Variants in CACNB2 observed in about 807,000 individuals in gnomAD.
CACNB2 encodes the protein calcium voltage-gated channel auxiliary subunit beta 2.
A neutral mutation model predicts 73.3 loss-of-function variants in CACNB2; 42 were observed. The ratio of observed to expected loss-of-function variants is 0.57; its 90% CI spans 0.45 to 0.74. CACNB2 has a LOEUF of 0.74. Ranked by LOEUF, CACNB2 falls within the 30% of genes least tolerant of loss-of-function variation. CACNB2 has a pLI of 0.00. For missense variants in CACNB2, 940 were observed against 853.0 expected, an observed-to-expected ratio of 1.10 and a Z score of -1.27; for synonymous variants, 348 against 310.3, an observed-to-expected ratio of 1.12 and a Z score of -1.28.
intron 2 of CACNB2, among the ~76,000 whole-genome samples, chr10:18,228,894 A>G (rs531364900): frequency 4.6e-4 from 70 of 152,206 alleles, no homozygotes; most frequent in African/African-American, 1.6e-3. Context: ...ATGTGCCACC[A>G]TGCCTGGCTA....
Position 18,541,891 on chromosome 10 carries a change from A to G in CACNB2, c.*2167A>G, listed in dbSNP as rs1000045140. 4 of 152,020 alleles carry G rather than the reference A, an allele frequency of 2.6e-5. No homozygotes were observed. Among genetic ancestry groups the G allele is most frequent in the African/African-American group, 9.7e-5 (4 of 41,400 alleles). The allele number at this position is 152,020 out of a possible 1,614,324, so 9.4% of individuals were successfully genotyped here. On this transcript the variant is annotated 3_prime_UTR_variant, in exon 14 of 14. Coordinates refer to ENST00000324631, the MANE Select transcript of CACNB2 (RefSeq NM_201596.3). Reference sequence around the variant, plus strand: ...AAAGAAAAAAAAACAAAAAACAAAAAAAACTATCCAGCAAAATTATAAAAT... The same window carrying G: ...AAAGAAAAAAAAACAAAAAACAAAAGAAACTATCCAGCAAAATTATAAAAT...
chr10:18,525,100 T>C (rs1351397322), intron 9 of CACNB2, among the ~76,000 whole-genome samples: 2 of 150,604 alleles, frequency 1.3e-5, no homozygotes, highest in Non-Finnish European at 3.0e-5. Context: ...TTTCAATAAA[T>C]ATTAAATATG....
At chr10:18,436,460 G>A (rs2046142558) in intron 3 of CACNB2, among the ~76,000 whole-genome samples, 1 of 152,122 alleles carries the variant, frequency 6.6e-6, no homozygotes, top group Non-Finnish European at 1.5e-5. Context: ...ATTAATCATT[G>A]CCACATTTCT....
intron 11 of CACNB2, among the ~76,000 whole-genome samples, chr10:18,534,783 C>G (rs975624464): frequency 3.3e-5 from 5 of 152,182 alleles, no homozygotes; most frequent in Non-Finnish European, 7.3e-5. Flanking sequence ...AAAGTAAGGA[C>G]AAGCACTGGT....
At chr10:18,198,819 A>T (rs2131301241) in intron 2 of CACNB2, among the ~76,000 whole-genome samples, 1 of 152,218 alleles carries the variant, frequency 6.6e-6, no homozygotes, top group South Asian at 2.1e-4. Flanking sequence ...TCCACCTTCC[A>T]TTCTCCCTGA....
chr10:18,536,206 C>G lies in CACNB2; in HGVS notation c.1302+10C>G, dbSNP rs1263116840. ...GGCTCAGTGTCCTCCAGTAAGTTAT[C>G]TCTATATACAGCATAATCCAGTTAC... On this transcript the variant is annotated intron_variant, in intron 12 of 13. Coordinates refer to ENST00000324631, the MANE Select transcript of CACNB2 (RefSeq NM_201596.3). 7.8e-6 allele frequency: 8 copies of G among 1,025,054 alleles called. No homozygotes were observed. The highest frequency in any genetic ancestry group is 1.0e-5 in the Non-Finnish European group (7 of 684,024). The allele number at this position is 1,025,054 out of a possible 1,614,324, so 63.5% of individuals were successfully genotyped here.
chr10:18,154,961 C>T (rs566977438), intron 2 of CACNB2, among the ~76,000 whole-genome samples: 7 of 152,214 alleles, frequency 4.6e-5, no homozygotes, highest in African/African-American at 1.7e-4. Flanking sequence ...TTGTTGAAAC[C>T]ACCCTGTAGT....
chr10:18,338,649 TTCTC>T (rs202241107), intron 2 of CACNB2, among the ~76,000 whole-genome samples: 5,116 of 122,864 alleles, frequency 0.042, 220 homozygotes, highest in African/African-American at 0.13. Flanking sequence ...CCTTCTTTCT[TTCTC>T]TCTCTTTTTC....
intron 3 of CACNB2, among the ~76,000 whole-genome samples, chr10:18,433,185 A>C (rs534178952): frequency 6.6e-6 from 1 of 152,212 alleles, no homozygotes; most frequent in Admixed American, 6.5e-5. Flanking sequence ...CCAATGCCAC[A>C]TGCAGATAGA....
intron 3 of CACNB2, among the ~76,000 whole-genome samples, chr10:18,418,724 TG>T (rs2045145973): frequency 6.6e-6 from 1 of 152,178 alleles, no homozygotes; most frequent in Admixed American, 6.5e-5. Context: ...CCCTTTTTTT[TG>T]GTCTATAAAT....
intron 6 of CACNB2, among the ~76,000 whole-genome samples, chr10:18,511,776 G>A (rs1408481862): frequency 1.3e-5 from 2 of 152,180 alleles, no homozygotes; most frequent in African/African-American, 2.4e-5. Flanking sequence ...GGAACTGAAA[G>A]AGGGCACCCA....
chr10:18,341,228 G>C (rs933854568), intron 2 of CACNB2, among the ~76,000 whole-genome samples: 5 of 152,172 alleles, frequency 3.3e-5, no homozygotes, highest in African/African-American at 1.2e-4. Flanking sequence ...TAGGGAGAGA[G>C]TCCCGGTGCA....
intron 3 of CACNB2, among the ~76,000 whole-genome samples, chr10:18,423,100 C>T (rs556371213): frequency 2.0e-5 from 3 of 152,004 alleles, no homozygotes; most frequent in South Asian, 2.1e-4. Flanking sequence ...GAATCCTAAA[C>T]GTTTGGAGGT....
chr10:18,334,853 C>A (rs939509967), intron 2 of CACNB2, among the ~76,000 whole-genome samples: 2 of 152,114 alleles, frequency 1.3e-5, no homozygotes, highest in Non-Finnish European at 2.9e-5. Flanking sequence ...TTATGTCATT[C>A]TGGCAATTAT....
At chr10:18,272,641 G>A (rs1395023804) in intron 2 of CACNB2, among the ~76,000 whole-genome samples, 1 of 110,614 alleles carries the variant, frequency 9.0e-6, no homozygotes, top group Non-Finnish European at 2.1e-5. Context: ...TCTCATGATA[G>A]TGAACAAGTC....
intron 3 of CACNB2, among the ~76,000 whole-genome samples, chr10:18,490,149 C>T (rs2049324405): frequency 6.6e-6 from 1 of 152,184 alleles, no homozygotes; most frequent in African/African-American, 2.4e-5. Context: ...ATGTCAGCCA[C>T]TGCACTCCAC....
chr10:18,191,005 C>A (rs554480324), intron 2 of CACNB2, among the ~76,000 whole-genome samples: 10 of 152,172 alleles, frequency 6.6e-5, no homozygotes, highest in Non-Finnish European at 1.2e-4. Context: ...GCATGGGAAA[C>A]GCGCAAGCTG....
chr10:18,241,487 G>T (rs1183778581), intron 2 of CACNB2, among the ~76,000 whole-genome samples: 1 of 152,002 alleles, frequency 6.6e-6, no homozygotes, highest in South Asian at 2.1e-4. Context: ...TAATGTAGAT[G>T]ACGGGTTGAT....
Position 18,539,334 on chromosome 10 carries a change from C to T in CACNB2, c.1593C>T (p.Arg531=), listed in dbSNP as rs1252116318. The change falls in exon 14 of 14, where the codon CGC becomes CGT. Residue 531 remains arginine, a synonymous_variant. Coordinates refer to ENST00000324631, the MANE Select transcript of CACNB2 (RefSeq NM_201596.3). ...AACCAGTCAAGAAATCCCAGCACCG[C>T]TCTTCCTCCTCAGCCCCACACCACA... ...SVEPVKKSQH[R]SSSSAPHHNH... is the part of the protein sequence containing the mutation. The T allele has an allele frequency of 6.2e-7, 1 of 1,614,148 alleles. No homozygotes were observed.
Sources: allele counts gnomAD v4.1 joint callset (sites outside exome capture counted in the v4.1 genomes callset), GRCh38; gene constraint gnomAD v4.1.1; transcripts MANE v1.5; gene names NCBI Gene and HGNC (gene_info 2026-07-23, HGNC 2026-07-21).